DST: variants seen among roughly 807,000 people sequenced by gnomAD.
The protein encoded by DST is bullous pemphigoid antigen.
DST carries 253 observed loss-of-function variants against 875.2 expected under a neutral mutation model. The observed-to-expected ratio is 0.29, with a 90% confidence interval of 0.26 to 0.32. The LOEUF (loss-of-function observed/expected upper bound fraction) is 0.32, where lower values mean the gene tolerates loss of function less well. Among genes scored for constraint, DST ranks in the 10% least tolerant of loss-of-function variants. The pLI, the probability that DST is intolerant of heterozygous loss-of-function variation, is 1.00. For missense variants in DST, 8,287 were observed against 9,111.6 expected (o/e 0.91, Z 3.68); for synonymous variants, 3,124 against 3,197.1 (o/e 0.98, Z 0.77).
At chr6:56,583,092 G>A (rs1432597667) in intron 49 of DST, among the ~76,000 whole-genome samples, 5 of 152,290 alleles carry the variant, frequency 3.3e-5, no homozygotes, top group African/African-American at 1.2e-4. Context: ...ATGATTTACA[G>A]ACCTTTGGGT....
chr6:56,607,570 G>GC lies in DST; in HGVS notation c.7057dup (p.Ala2353GlyfsTer4). Reference sequence around the variant, plus strand: ...GTCACTTCTAAGCATGCTAATGTCTGCAAGTTCAGTCTGTGTTAAATATGA... The same window carrying GC: ...GTCACTTCTAAGCATGCTAATGTCTGCCAAGTTCAGTCTGTGTTAAATATGA... On this transcript the variant is annotated frameshift_variant, in exon 40 of 104. Coordinates refer to ENST00000680361, the MANE Select transcript of DST (RefSeq NM_001374736.1). LOFTEE classifies it high-confidence loss of function. 1 of 1,611,942 alleles carries GC rather than the reference G, an allele frequency of 6.2e-7. No homozygotes were observed. The highest frequency in any genetic ancestry group is 8.5e-7 in the Non-Finnish European group (1 of 1,178,886).
intron 62 of DST, among the ~76,000 whole-genome samples, chr6:56,535,768 T>A (rs1011145444): frequency 6.6e-5 from 10 of 152,346 alleles, no homozygotes; most frequent in Admixed American, 5.2e-4. Context: ...TCCAATTAAG[T>A]TCTGCTAGCT....
chr6:56,501,044 AGAG>A (rs2096104544), intron 80 of DST, 33 bp downstream of exon 80: 3 of 1,596,850 alleles, frequency 1.9e-6, no homozygotes, highest in South Asian at 2.3e-5. Flanking sequence ...AGAAATGGAC[AGAG>A]AAGAAACATA....
At chr6:56,861,560 T>C (rs1386531464) in intron 3 of DST, among the ~76,000 whole-genome samples, 1 of 152,208 alleles carries the variant, frequency 6.6e-6, no homozygotes, top group Non-Finnish European at 1.5e-5. Flanking sequence ...CTGAGATCCA[T>C]CTGGAACAAC....
Position 56,628,021 on chromosome 6 carries a change from G to GCT in DST, c.4614_4615dup (p.Ala1539GlufsTer5). 1 of 1,613,826 alleles carries GCT rather than the reference G, an allele frequency of 6.2e-7. No individual in the cohort carries two copies. The highest frequency in any genetic ancestry group is 8.5e-7 in the Non-Finnish European group (1 of 1,179,780). On this transcript the variant is annotated frameshift_variant, in exon 33 of 104. Coordinates refer to ENST00000680361, the MANE Select transcript of DST (RefSeq NM_001374736.1). LOFTEE classifies it high-confidence loss of function. ...TACCTTCTGTTGATTCAACTGTGTGGCTAGGGTTTTACTATTTTCAGGCTG... is the reference window on the plus strand; with the variant it reads ...TACCTTCTGTTGATTCAACTGTGTGGCTCTAGGGTTTTACTATTTTCAGGCTG...
intron 9 of DST, among the ~76,000 whole-genome samples, chr6:56,681,764 T>C (rs1170103308): frequency 6.6e-6 from 1 of 152,216 alleles, no homozygotes; most frequent in African/African-American, 2.4e-5. Flanking sequence ...AATGACTTTA[T>C]GATTGAGTTG....
At chr6:56,913,824 C>T (rs1174383432) in intron 2 of DST, among the ~76,000 whole-genome samples, 1 of 152,214 alleles carries the variant, frequency 6.6e-6, no homozygotes, top group African/African-American at 2.4e-5. Context: ...GATCAAACAG[C>T]ATCTGTTATG....
intron 58 of DST, among the ~76,000 whole-genome samples, chr6:56,558,926 T>C (rs981591644): frequency 2.6e-5 from 4 of 152,152 alleles, no homozygotes; most frequent in African/African-American, 4.8e-5. Flanking sequence ...TAGGAAGCCT[T>C]TTCTGTTTTC....
chr6:56,856,543 T>C lies in DST; in HGVS notation c.418-4939A>G, dbSNP rs529902669. On this transcript the variant is annotated intron_variant, in intron 3 of 103. Transcript: ENST00000680361. ...GACAAATCCTGATTGTGAAGCATTC[T>C]ACAAGACAATTGTCCTAGATCCTTC... 9.8e-5 allele frequency among the ~76,000 whole-genome samples: 15 copies of C among 152,308 alleles called. No homozygotes were observed. In the South Asian group the frequency reaches 3.1e-3, roughly 32 times the overall value.
intron 3 of DST, among the ~76,000 whole-genome samples, chr6:56,881,550 C>A (rs1334153493): frequency 6.6e-6 from 1 of 152,118 alleles, no homozygotes; most frequent in Non-Finnish European, 1.5e-5. Context: ...AAGAATCAGA[C>A]AATGCCTGAC....
chr6:56,580,544 CCTA>C (rs1490691483), intron 49 of DST, among the ~76,000 whole-genome samples: 2 of 144,702 alleles, frequency 1.4e-5, no homozygotes, highest in Admixed American at 1.4e-4. Flanking sequence ...GAGTGATATT[CCTA>C]CTTTCTTAAA....
At chr6:56,673,899 C>T (rs2099115275) in intron 9 of DST, among the ~76,000 whole-genome samples, 1 of 152,204 alleles carries the variant, frequency 6.6e-6, no homozygotes, top group Admixed American at 6.5e-5. Context: ...ATAAACTGAA[C>T]ATCATCCTCT....
chr6:56,801,416 T>C (rs1482435736), intron 4 of DST, among the ~76,000 whole-genome samples: 1 of 152,208 alleles, frequency 6.6e-6, no homozygotes, highest in African/African-American at 2.4e-5. Flanking sequence ...TCTAATAAGA[T>C]AATAATATGA....
At chr6:56,952,981 G>T (rs1244694986) in intron 2 of DST, among the ~76,000 whole-genome samples, 1 of 152,216 alleles carries the variant, frequency 6.6e-6, no homozygotes, top group African/African-American at 2.4e-5. Context: ...ATTAACTAAT[G>T]AAATGAAAGG....
intron 39 of DST, 77 bp from the exon 40 acceptor site, chr6:56,609,421 T>G: frequency 1.0e-6 from 1 of 1,004,158 alleles, no homozygotes; most frequent in Admixed American, 2.3e-5. Context: ...TTAGGTTTTT[T>G]AAAAAATAAA....
intron 3 of DST, among the ~76,000 whole-genome samples, chr6:56,857,640 T>G (rs1407432760): frequency 1.3e-5 from 2 of 152,150 alleles, no homozygotes; most frequent in Non-Finnish European, 2.9e-5. Flanking sequence ...TTTTGATATT[T>G]TATATAAACA....
intron 4 of DST, among the ~76,000 whole-genome samples, chr6:56,841,227 A>G (rs1247459655): frequency 1.3e-5 from 2 of 152,184 alleles, no homozygotes; most frequent in Non-Finnish European, 2.9e-5. Context: ...TCGGGAAACA[A>G]TGAGTTTTCC....
In DST at chr6:56,642,082, G is replaced by C; in HGVS notation, c.1892C>G (p.Ser631Ter). ...ALQSDSKRLE[S>*]GVQFQNEAEI... ...TGCTTCATTCTGAAACTGCACTCCTGATTCTAATCTTTTAGAATCCTGTAT... is the reference window on the plus strand; with the variant it reads ...TGCTTCATTCTGAAACTGCACTCCTCATTCTAATCTTTTAGAATCCTGTAT... Residue 631 changes from serine to a stop codon, truncating the protein, a stop_gained, in exon 17 of 104, where the codon TCA becomes TGA. Coordinates refer to ENST00000680361, the MANE Select transcript of DST (RefSeq NM_001374736.1). LOFTEE classifies it high-confidence loss of function. The C allele has an allele frequency of 6.2e-7, 1 of 1,612,274 alleles. No individual in the cohort carries two copies. The highest frequency in any genetic ancestry group is 8.5e-7 in the Non-Finnish European group (1 of 1,178,808).
At chr6:56,730,268 A>G (rs1210835936) in intron 5 of DST, among the ~76,000 whole-genome samples, 1 of 152,170 alleles carries the variant, frequency 6.6e-6, no homozygotes, top group African/African-American at 2.4e-5. Flanking sequence ...TCATGGCTCA[A>G]GTTCTAATTC....
Sources: gnomAD v4.1 joint callset for allele counts (sites outside exome capture counted in the v4.1 genomes callset) on GRCh38, gnomAD v4.1.1 for gene constraint, MANE v1.5 for transcripts, NCBI Gene and HGNC (gene_info 2026-07-23, HGNC 2026-07-21) for gene names.